FAM107B: variants seen among roughly 807,000 people sequenced by gnomAD.
FAM107B encodes protein FAM107B.
A neutral mutation model predicts 31.5 loss-of-function variants in FAM107B; 21 were observed. That is an observed-to-expected ratio of 0.67 (90% CI 0.47 to 0.96). FAM107B has a LOEUF of 0.96. Ranked by LOEUF, FAM107B falls within the 40% of genes least tolerant of loss-of-function variation. The probability of loss-of-function intolerance (pLI) is 0.00; values close to 1 mark genes in which losing one functional copy is unlikely to be tolerated. For synonymous variants in FAM107B, 157 were observed against 141.5 expected (o/e 1.11, Z -0.78); for missense variants, 452 against 377.1 (o/e 1.20, Z -1.64).
intron 1 of FAM107B, among the ~76,000 whole-genome samples, chr10:14,722,181 G>T (rs1200487745): frequency 6.6e-6 from 1 of 152,108 alleles, no homozygotes; most frequent in East Asian, 1.9e-4. Context: ...ACACCTATTA[G>T]CAGTCATTCC....
At chr10:14,674,727 G>A (rs1317338236) in intron 1 of FAM107B, among the ~76,000 whole-genome samples, 1 of 152,114 alleles carries the variant, frequency 6.6e-6, no homozygotes, top group Non-Finnish European at 1.5e-5. Context: ...GGGAAACAGA[G>A]TTGTTTGTTT....
chr10:14,690,663 A>G (rs1855111733), intron 1 of FAM107B, among the ~76,000 whole-genome samples: 1 of 152,094 alleles, frequency 6.6e-6, no homozygotes, highest in African/African-American at 2.4e-5. Flanking sequence ...CTTGTTAGCC[A>G]GGATGGTCTC....
chr10:14,772,362 A>ATATATATATATATATATAT (rs1554759099), intron 1 of FAM107B, among the ~76,000 whole-genome samples: 2 of 145,590 alleles, frequency 1.4e-5, no homozygotes, highest in African/African-American at 5.2e-5. Context: ...TTAAAAAAAA[A>ATATATATATATATATATAT]ATATATATAT....
At chr10:14,743,121 T>C (rs561536541) in intron 1 of FAM107B, among the ~76,000 whole-genome samples, 1 of 152,338 alleles carries the variant, frequency 6.6e-6, no homozygotes, top group East Asian at 1.9e-4. Flanking sequence ...TAATGATCAA[T>C]GATGTTGAGC....
At chr10:14,764,597 G>A (rs1298673371) in intron 1 of FAM107B, among the ~76,000 whole-genome samples, 1 of 152,116 alleles carries the variant, frequency 6.6e-6, no homozygotes, top group Non-Finnish European at 1.5e-5. Context: ...GTGTTAACTT[G>A]AGGAGCCATA....
intron 2 of FAM107B, among the ~76,000 whole-genome samples, chr10:14,531,793 C>G (rs1012286673): frequency 4.6e-5 from 7 of 152,138 alleles, no homozygotes; most frequent in Non-Finnish European, 8.8e-5. Context: ...CGAGATCGCA[C>G]CATTGCACTC....
At chr10:14,615,003 G>A (rs1341904540) in intron 2 of FAM107B, among the ~76,000 whole-genome samples, 1 of 152,132 alleles carries the variant, frequency 6.6e-6, no homozygotes, top group African/African-American at 2.4e-5. Context: ...GGCCAAGAAA[G>A]GTTTTGTTTC....
At chr10:14,568,136 CGACTGA>C (rs1850836623) in intron 2 of FAM107B, among the ~76,000 whole-genome samples, 1 of 152,012 alleles carries the variant, frequency 6.6e-6, no homozygotes, top group Non-Finnish European at 1.5e-5. Context: ...GGACAGAATA[CGACTGA>C]GACAAGGCTC....
At chr10:14,586,437 C>T (rs1053544045) in intron 2 of FAM107B, among the ~76,000 whole-genome samples, 2 of 152,126 alleles carry the variant, frequency 1.3e-5, no homozygotes, top group African/African-American at 2.4e-5. Context: ...ACCATAAATT[C>T]ATATTATTTA....
At chr10:14,582,013 T>A (rs556933382) in intron 2 of FAM107B, among the ~76,000 whole-genome samples, 1 of 152,342 alleles carries the variant, frequency 6.6e-6, no homozygotes, top group Admixed American at 6.5e-5. Context: ...TTGCCCAAGT[T>A]GACAGTTTCA....
chr10:14,763,871 C>T (rs1833108000), intron 1 of FAM107B, among the ~76,000 whole-genome samples: 1 of 152,246 alleles, frequency 6.6e-6, no homozygotes, highest in Admixed American at 6.5e-5. Flanking sequence ...ATTATTATTA[C>T]TGCTTAAGGG....
chr10:14,634,292 C>T (rs982868749), intron 2 of FAM107B, among the ~76,000 whole-genome samples: 4 of 151,158 alleles, frequency 2.6e-5, no homozygotes, highest in Admixed American at 6.6e-5. Flanking sequence ...CCCAGCTACT[C>T]GGGACGCTGA....
intron 2 of FAM107B, among the ~76,000 whole-genome samples, chr10:14,570,175 C>T (rs530622356): frequency 2.9e-4 from 44 of 151,280 alleles, no homozygotes; most frequent in African/African-American, 1.0e-3. Context: ...TAAGGGTAGC[C>T]CATATTTTTT....
At chr10:14,703,024 T>G (rs1264069839) in intron 1 of FAM107B, among the ~76,000 whole-genome samples, 1 of 150,014 alleles carries the variant, frequency 6.7e-6, no homozygotes, top group Non-Finnish European at 1.5e-5. Context: ...CAAGTTAATC[T>G]CTATTCCCCC....
chr10:14,688,823 A>C (rs1855053053), intron 1 of FAM107B, among the ~76,000 whole-genome samples: 2 of 152,164 alleles, frequency 1.3e-5, no homozygotes. Flanking sequence ...CTGCTAACAC[A>C]ATCCAGATGT....
At chr10:14,528,742 T>C (rs1251287126) in intron 3 of FAM107B, among the ~76,000 whole-genome samples, 4 of 152,144 alleles carry the variant, frequency 2.6e-5, no homozygotes, top group Non-Finnish European at 5.9e-5. Flanking sequence ...ACAGACAGAA[T>C]GGAAGCCCTT....
intron 1 of FAM107B, among the ~76,000 whole-genome samples, chr10:14,704,699 C>T (rs929213098): frequency 6.6e-6 from 1 of 152,018 alleles, no homozygotes; most frequent in African/African-American, 2.4e-5. Flanking sequence ...GCCTACAACT[C>T]GATAAGAACA....
chr10:14,533,310 G>A (rs190635372), intron 2 of FAM107B, among the ~76,000 whole-genome samples: 5 of 152,276 alleles, frequency 3.3e-5, no homozygotes, highest in Admixed American at 2.0e-4. Flanking sequence ...ACTTCCTGAA[G>A]GACTGGACAC....
intron 2 of FAM107B, among the ~76,000 whole-genome samples, chr10:14,608,242 A>C (rs1039828151): frequency 2.6e-5 from 4 of 152,222 alleles, no homozygotes; most frequent in Non-Finnish European, 5.9e-5. Context: ...TAAATTTTGC[A>C]CTGTGTACGT....
Sources: gnomAD v4.1 joint callset for allele counts (sites outside exome capture counted in the v4.1 genomes callset) on GRCh38, gnomAD v4.1.1 for gene constraint, MANE v1.5 for transcripts, NCBI Gene and HGNC (gene_info 2026-07-23, HGNC 2026-07-21) for gene names.